The following SMIM41 variants were observed in gnomAD, a reference collection of about 807,000 sequenced individuals.
SMIM41 encodes small integral membrane protein 41.
At chr12:52,083,017 C>T (rs1939840363) in intron 1 of SMIM41, among the ~76,000 whole-genome samples, 1 of 152,176 alleles carries the variant, frequency 6.6e-6, no homozygotes. Flanking sequence ...CACCCAGCTG[C>T]TGCCTCTGAA....
intron 2 of SMIM41, among the ~76,000 whole-genome samples, chr12:52,085,409 G>A (rs12582462): frequency 0.2 from 30,710 of 152,154 alleles, 4,015 homozygotes; most frequent in East Asian, 0.45. Flanking sequence ...CCTCTTTAGG[G>A]TGGGGAAAAA....
At chr12:52,105,311 C>T (rs1940313274) in intron 2 of SMIM41, among the ~76,000 whole-genome samples, 1 of 152,224 alleles carries the variant, frequency 6.6e-6, no homozygotes, top group Non-Finnish European at 1.5e-5. Context: ...TCTCCCTTGC[C>T]CCTGTTCCTG....
chr12:52,095,819 A>G lies in SMIM41; in HGVS notation c.*196-11560A>G, dbSNP rs865831739. 2.0e-5 allele frequency among the ~76,000 whole-genome samples: 3 copies of G among 152,182 alleles called. No homozygotes were observed. The Middle Eastern group carries it at 0.01, about 518-fold the overall frequency. On this transcript the variant is annotated intron_variant, in intron 2 of 2. Transcript: ENST00000546390. ...AATATTATCCTCTCCCGTCCTGCAT[A>G]TTAGGAAACAGAGTGGGTGTACACC...
intron 2 of SMIM41, among the ~76,000 whole-genome samples, chr12:52,088,380 G>A (rs1382121073): frequency 6.6e-6 from 1 of 152,170 alleles, no homozygotes; most frequent in Non-Finnish European, 1.5e-5. Flanking sequence ...CCTGCCAGAG[G>A]GGCGGGAAGC....
chr12:52,094,098 T>A (rs1940049181), intron 2 of SMIM41, among the ~76,000 whole-genome samples: 1 of 133,344 alleles, frequency 7.5e-6, no homozygotes, highest in African/African-American at 2.8e-5. Context: ...ACCACTGCAC[T>A]CCAGCCTGGG....
At chr12:52,105,415 T>C (rs887194195) in intron 2 of SMIM41, among the ~76,000 whole-genome samples, 7 of 152,362 alleles carry the variant, frequency 4.6e-5, no homozygotes, top group Admixed American at 3.9e-4. Context: ...GTTTCAAAAA[T>C]GCTCCTCAGA....
chr12:52,107,650 T>C lies in SMIM41; in HGVS notation c.*467T>C, dbSNP rs1321858764. On this transcript the variant is annotated 3_prime_UTR_variant, in exon 3 of 3. Transcript: ENST00000546390. ...ACTCAGAAGTCTCTCTTTGCCATTT[T>C]TGGAGGCACGGAAGAGAGACATGCT... is the stretch of plus-strand genomic sequence containing the variant. 9.1e-6 allele frequency: 5 copies of C among 550,230 alleles called. No individual in the cohort carries two copies. Among genetic ancestry groups the C allele is most frequent in the Non-Finnish European group, 1.4e-5 (4 of 283,812 alleles). The allele number at this position is 550,230 out of a possible 1,614,324, so 34.1% of individuals were successfully genotyped here. A position where few individuals can be genotyped will look rare whatever the true frequency, so the allele number is the denominator to read the frequency against.
chr12:52,095,907 G>GTA (rs1273385080), intron 2 of SMIM41, among the ~76,000 whole-genome samples: 77 of 152,048 alleles, frequency 5.1e-4, no homozygotes, highest in African/African-American at 1.8e-3. Context: ...AATATCACAC[G>GTA]GGTTTGTACA....
intron 2 of SMIM41, chr12:52,104,368 G>T (rs1940284087): frequency 1.3e-5 from 2 of 157,548 alleles, no homozygotes; most frequent in African/African-American, 4.8e-5. Context: ...TTCCAGTCCT[G>T]TGGGCTCCAC....
At chr12:52,080,742 C>A (rs1228247495) in intron 1 of SMIM41, among the ~76,000 whole-genome samples, 1 of 152,180 alleles carries the variant, frequency 6.6e-6, no homozygotes, top group African/African-American at 2.4e-5. Context: ...AGGGAGATTC[C>A]TTGCCTGGCC....
rs183918751 is a variant in SMIM41 at position 52,102,696 on chromosome 12, G to A, written c.*196-4683G>A. Among the ~76,000 whole-genome samples the A allele has an allele frequency of 2.3e-3, 343 of 152,310 alleles. 2 individuals are homozygous for A. Among genetic ancestry groups the A allele is most frequent in the African/African-American group, 7.8e-3 (324 of 41,566 alleles). On this transcript the variant is annotated intron_variant, in intron 2 of 2. Transcript: ENST00000546390. ...TAATGTGATACCACACATTAGGATGGATATGATAAACAAGCATTGGTGAAA... is the reference window on the plus strand; with the variant it reads ...TAATGTGATACCACACATTAGGATGAATATGATAAACAAGCATTGGTGAAA...
chr12:52,091,787 C>T (rs775843628), intron 2 of SMIM41, among the ~76,000 whole-genome samples: 7 of 152,134 alleles, frequency 4.6e-5, no homozygotes, highest in Non-Finnish European at 7.3e-5. Flanking sequence ...CAGAATCTAA[C>T]GGAGGCACAT....
At chr12:52,095,812 C>T (rs1002615544) in intron 2 of SMIM41, among the ~76,000 whole-genome samples, 9 of 152,000 alleles carry the variant, frequency 5.9e-5, no homozygotes, top group Non-Finnish European at 7.4e-5. Flanking sequence ...CCTCTCCCGT[C>T]CTGCATATTA....
At chr12:52,088,217 G>GC (rs1939922762) in intron 2 of SMIM41, among the ~76,000 whole-genome samples, 1 of 152,228 alleles carries the variant, frequency 6.6e-6, no homozygotes, top group Non-Finnish European at 1.5e-5. Context: ...GAGTGATTGT[G>GC]CTGCAATGGA....
intron 2 of SMIM41, among the ~76,000 whole-genome samples, chr12:52,105,624 G>C (rs1940320971): frequency 6.6e-6 from 1 of 152,038 alleles, no homozygotes; most frequent in Non-Finnish European, 1.5e-5. Context: ...ATAGTGGCGG[G>C]CGCCTGTAAT....
intron 2 of SMIM41, among the ~76,000 whole-genome samples, chr12:52,102,370 A>T (rs552796015): frequency 1.3e-5 from 2 of 152,382 alleles, no homozygotes; most frequent in South Asian, 4.1e-4. Context: ...AAAGAAAATT[A>T]GATTCCTTGG....
intron 2 of SMIM41, among the ~76,000 whole-genome samples, chr12:52,093,210 A>G (rs1404719879): frequency 6.6e-6 from 1 of 151,898 alleles, no homozygotes; most frequent in Non-Finnish European, 1.5e-5. Flanking sequence ...AACAACAACA[A>G]CAAACAAAAA....
At chr12:52,080,464 C>T (rs931392535) in intron 1 of SMIM41, among the ~76,000 whole-genome samples, 1 of 152,166 alleles carries the variant, frequency 6.6e-6, no homozygotes, top group African/African-American at 2.4e-5. Flanking sequence ...TCTTTTTCTA[C>T]GAACAGAGGC....
chr12:52,100,622 A>AT (rs1173057236), intron 2 of SMIM41, among the ~76,000 whole-genome samples: 19,762 of 111,210 alleles, frequency 0.18, 1,837 homozygotes, highest in Non-Finnish European at 0.22. Context: ...GCGCCCAGCT[A>AT]TTTTTTTTTT....
Sources: gnomAD v4.1 joint callset for allele counts (sites outside exome capture counted in the v4.1 genomes callset) on GRCh38, gnomAD v4.1.1 for gene constraint, MANE v1.5 for transcripts, NCBI Gene and HGNC (gene_info 2026-07-23, HGNC 2026-07-21) for gene names.